Variants in CACNA2D3 observed in about 807,000 individuals in gnomAD.
CACNA2D3 encodes the protein voltage-dependent calcium channel subunit alpha-2/delta-3.
CACNA2D3 carries 60 observed loss-of-function variants against 160.6 expected under a neutral mutation model. The ratio of observed to expected loss-of-function variants is 0.37; its 90% CI spans 0.30 to 0.46. The LOEUF (loss-of-function observed/expected upper bound fraction) is 0.46, where lower values mean the gene tolerates loss of function less well. CACNA2D3 is among the 20% of genes least tolerant of loss of function. CACNA2D3 has a pLI of 1.00. For missense variants in CACNA2D3, 1,205 were observed against 1,365.0 expected, an observed-to-expected ratio of 0.88 and a Z score of 1.85; for synonymous variants, 558 against 492.9, an observed-to-expected ratio of 1.13 and a Z score of -1.75.
At chr3:54,464,664 A>C (rs1042368699) in intron 4 of CACNA2D3, among the ~76,000 whole-genome samples, 3 of 152,188 alleles carry the variant, frequency 2.0e-5, no homozygotes, top group Admixed American at 6.5e-5. Flanking sequence ...CCAATTTTCC[A>C]AGTGCCGTCT....
At position 54,872,091 on chromosome 3, in the gene CACNA2D3, T is replaced by G. The variant is rs1437077727; in HGVS notation, c.1710+469T>G. ...GTTTTCAGAGTACAGCCCAGGGCTCTGCAGGCTCACTTTTCTCCTGCTTGG... is the reference window on the plus strand; with the variant it reads ...GTTTTCAGAGTACAGCCCAGGGCTCGGCAGGCTCACTTTTCTCCTGCTTGG... On this transcript the variant is annotated intron_variant, in intron 18 of 37. Transcript: ENST00000474759. Among the ~76,000 whole-genome samples the G allele has an allele frequency of 4.6e-5, 7 of 152,320 alleles. No individual in the cohort carries two copies. In the East Asian group the frequency reaches 1.4e-3, roughly 30 times the overall value.
At chr3:54,340,788 A>T (rs144541652) in intron 3 of CACNA2D3, among the ~76,000 whole-genome samples, 1 of 151,918 alleles carries the variant, frequency 6.6e-6, no homozygotes, top group Non-Finnish European at 1.5e-5. Context: ...TTCCATGGAG[A>T]TCTGTCCCTT....
intron 4 of CACNA2D3, among the ~76,000 whole-genome samples, chr3:54,478,757 T>C (rs1700884510): frequency 7.5e-6 from 1 of 133,816 alleles, no homozygotes; most frequent in African/African-American, 2.7e-5. Flanking sequence ...ATCCACGCTG[T>C]CTACACTACT....
At chr3:54,890,660 T>C (rs1482921651) in intron 24 of CACNA2D3, among the ~76,000 whole-genome samples, 1 of 152,186 alleles carries the variant, frequency 6.6e-6, no homozygotes. Context: ...TGATATTTAG[T>C]GAATTTTTAC....
chr3:54,510,610 C>T (rs2106960366), intron 5 of CACNA2D3, among the ~76,000 whole-genome samples: 1 of 152,278 alleles, frequency 6.6e-6, no homozygotes, highest in South Asian at 2.1e-4. Context: ...CCCATCATCT[C>T]TGTTCTTGTC....
At chr3:54,223,263 A>G (rs1701607428) in intron 2 of CACNA2D3, among the ~76,000 whole-genome samples, 1 of 152,238 alleles carries the variant, frequency 6.6e-6, no homozygotes, top group Non-Finnish European at 1.5e-5. Context: ...CCTGCTGCAC[A>G]ATAGGCTGTA....
intron 11 of CACNA2D3, among the ~76,000 whole-genome samples, chr3:54,725,625 A>G (rs1701261841): frequency 6.6e-6 from 1 of 152,194 alleles, no homozygotes; most frequent in African/African-American, 2.4e-5. Flanking sequence ...AAATCAAGAA[A>G]TGGGATCCAT....
At chr3:55,042,133 G>T (rs1703971729) in intron 35 of CACNA2D3, among the ~76,000 whole-genome samples, 2 of 152,114 alleles carry the variant, frequency 1.3e-5, no homozygotes, top group South Asian at 4.1e-4. Flanking sequence ...GTAGTTGTTA[G>T]TTGAAATATT....
At chr3:54,696,755 C>T (rs751368177) in intron 11 of CACNA2D3, among the ~76,000 whole-genome samples, 1 of 152,194 alleles carries the variant, frequency 6.6e-6, no homozygotes, top group Admixed American at 6.5e-5. Flanking sequence ...CTCCAGAAGA[C>T]ATTTTAAAGA....
chr3:54,782,711 A>AG (rs1702558865), intron 13 of CACNA2D3, among the ~76,000 whole-genome samples: 1 of 152,110 alleles, frequency 6.6e-6, no homozygotes, highest in Non-Finnish European at 1.5e-5. Context: ...GAAAAAAAAA[A>AG]GTCTACTGAA....
chr3:54,800,636 T>C (rs1702963803), intron 13 of CACNA2D3, among the ~76,000 whole-genome samples: 1 of 152,240 alleles, frequency 6.6e-6, no homozygotes, highest in African/African-American at 2.4e-5. Flanking sequence ...CTTGTTCTGG[T>C]CTGCCCATTA....
intron 2 of CACNA2D3, among the ~76,000 whole-genome samples, chr3:54,300,590 T>C (rs988495863): frequency 3.9e-5 from 6 of 152,250 alleles, no homozygotes; most frequent in Non-Finnish European, 5.9e-5. Flanking sequence ...TCTGTTAATA[T>C]GGGAAATTGA....
At chr3:54,770,579 G>A (rs964387029) in intron 13 of CACNA2D3, among the ~76,000 whole-genome samples, 25 of 152,188 alleles carry the variant, frequency 1.6e-4, no homozygotes, top group African/African-American at 5.8e-4. Context: ...GGGTTAATTG[G>A]CCACAGCTTA....
At chr3:54,802,883 A>G (rs1703026360) in intron 13 of CACNA2D3, among the ~76,000 whole-genome samples, 1 of 152,204 alleles carries the variant, frequency 6.6e-6, no homozygotes, top group Admixed American at 6.5e-5. Flanking sequence ...ACGATCAGAC[A>G]GCAGCATTCG....
chr3:54,227,109 T>A (rs1408370849), intron 2 of CACNA2D3, among the ~76,000 whole-genome samples: 1 of 152,242 alleles, frequency 6.6e-6, no homozygotes, highest in East Asian at 1.9e-4. Context: ...GCAGAACATG[T>A]TGATACGTAA....
intron 2 of CACNA2D3, among the ~76,000 whole-genome samples, chr3:54,214,738 T>A (rs1701431251): frequency 6.6e-6 from 1 of 152,124 alleles, no homozygotes; most frequent in Admixed American, 6.5e-5. Context: ...TGTGCCAGTG[T>A]CTAGAGGTGA....
At chr3:54,133,966 A>T (rs1699767539) in intron 2 of CACNA2D3, among the ~76,000 whole-genome samples, 1 of 152,204 alleles carries the variant, frequency 6.6e-6, no homozygotes, top group South Asian at 2.1e-4. Flanking sequence ...GTACGGAGGC[A>T]TGTGACGGTC....
chr3:54,574,765 A>T (rs910168443), intron 8 of CACNA2D3, among the ~76,000 whole-genome samples: 1 of 152,256 alleles, frequency 6.6e-6, no homozygotes, highest in Non-Finnish European at 1.5e-5. Context: ...GACTTTACAG[A>T]AGCTTAAGCC....
chr3:54,830,324 T>C (rs1245796024), intron 14 of CACNA2D3, among the ~76,000 whole-genome samples: 1 of 152,172 alleles, frequency 6.6e-6, no homozygotes, highest in Non-Finnish European at 1.5e-5. Context: ...AGCTGTGTTT[T>C]TCCACCTCTT....
Sources: gnomAD v4.1 joint callset for allele counts (sites outside exome capture counted in the v4.1 genomes callset) on GRCh38, gnomAD v4.1.1 for gene constraint, MANE v1.5 for transcripts, NCBI Gene and HGNC (gene_info 2026-07-23, HGNC 2026-07-21) for gene names.